The following KIT variants were observed in gnomAD, a reference collection of about 807,000 sequenced individuals.
KIT encodes mast/stem cell growth factor receptor Kit.
Under a neutral mutation model 105.7 loss-of-function variants are expected in KIT, and 16 were observed. The observed-to-expected ratio is 0.15, with a 90% CI of 0.10 to 0.23. KIT has a LOEUF of 0.23. Ranked by LOEUF, KIT falls within the 10% of genes least tolerant of loss-of-function variation. KIT has a pLI of 1.00. For synonymous variants in KIT, 438 were observed against 441.1 expected (o/e 0.99, Z 0.09); for missense variants, 858 against 1,213.8 (o/e 0.71, Z 4.36).
rs200051328 is a variant in KIT, at chr4:54,678,350, TTCCCTCCCTCCC to T, written c.68-17145_68-17134del. Among the ~76,000 whole-genome samples the T allele has an allele frequency of 3.7e-4, 22 of 58,920 alleles. 1 individual carries two copies. The highest frequency in any genetic ancestry group is 2.2e-3 in the African/African-American group (19 of 8,610). 38.7% of individuals were successfully genotyped at this position (58,920 alleles called of 152,430 possible). On this transcript the variant is annotated intron_variant, in intron 1 of 20. Transcript: ENST00000288135. ...CTTCCTTCCTTCCTTCCTTCCTTCC[TTCCCTCCCTCCC>T]TCCCTCCCTCCCTCCCCCAATCCCT... is the stretch of plus-strand genomic sequence containing the variant.
chr4:54,709,662 T>G (rs1039744990), intron 7 of KIT, 123 bp downstream of exon 7: 6 of 727,830 alleles, frequency 8.2e-6, no homozygotes, highest in African/African-American at 3.5e-5. Context: ...AATCTTGACC[T>G]TCACAGAGAC....
At chr4:54,669,454 G>C (rs1398469959) in intron 1 of KIT, among the ~76,000 whole-genome samples, 2 of 152,204 alleles carry the variant, frequency 1.3e-5, no homozygotes, top group African/African-American at 2.4e-5. Context: ...CTGGCCACTG[G>C]GAACACCAGC....
intron 6 of KIT, among the ~76,000 whole-genome samples, chr4:54,708,803 G>A (rs1350954642): frequency 6.6e-6 from 1 of 152,104 alleles, no homozygotes; most frequent in Non-Finnish European, 1.5e-5. Context: ...CATGTACATC[G>A]GAGCCCCTGC....
chr4:54,695,014 A>G (rs1052335054), intron 1 of KIT, among the ~76,000 whole-genome samples: 3 of 152,228 alleles, frequency 2.0e-5, no homozygotes, highest in Middle Eastern at 3.2e-3. Flanking sequence ...GAACATTGCC[A>G]TGTAAAGAGA....
chr4:54,695,834 T>C, intron 2 of KIT, 53 bp downstream of exon 2: 1 of 1,608,200 alleles, frequency 6.2e-7, no homozygotes, highest in Admixed American at 1.7e-5. Context: ...AATATCCTGC[T>C]CTTAATTTTG....
intron 8 of KIT, among the ~76,000 whole-genome samples, chr4:54,724,915 T>C (rs891841158): frequency 6.6e-6 from 1 of 152,170 alleles, no homozygotes; most frequent in East Asian, 1.9e-4. Context: ...AAACAATGAA[T>C]GTATGTAGGT....
chr4:54,715,902 T>C (rs3134889), intron 7 of KIT, among the ~76,000 whole-genome samples: 95,691 of 152,014 alleles, frequency 0.63, 30,365 homozygotes, highest in East Asian at 0.85. Context: ...CTGCTCAGAT[T>C]TGGTCCTTAA....
intron 3 of KIT, among the ~76,000 whole-genome samples, chr4:54,698,930 A>G (rs1347600301): frequency 6.6e-6 from 1 of 152,212 alleles, no homozygotes; most frequent in Non-Finnish European, 1.5e-5. Flanking sequence ...TCATTCTTTG[A>G]TTTACTATTG....
At chr4:54,726,079 G>A (rs765677037) in intron 9 of KIT, 29 bp downstream of exon 9, 10 of 1,555,008 alleles carry the variant, frequency 6.4e-6, no homozygotes, top group Non-Finnish European at 8.0e-6. Context: ...CAATTTAAGG[G>A]GATGTTTAGG....
intron 6 of KIT, among the ~76,000 whole-genome samples, chr4:54,708,603 G>A (rs1720937961): frequency 6.6e-6 from 1 of 152,128 alleles, no homozygotes; most frequent in Non-Finnish European, 1.5e-5. Context: ...CTCTGTAGAG[G>A]AGACATGGTA....
At position 54,691,449 on chromosome 4, in the gene KIT, CG is replaced by C. The variant is rs1018739080; in HGVS notation, c.68-4059del. Among the ~76,000 whole-genome samples the C allele has an allele frequency of 2.6e-4, 39 of 151,960 alleles. 2 individuals are homozygous for C. Among genetic ancestry groups the C allele is most frequent in the Admixed American group, 2.4e-3 (36 of 15,262 alleles). On this transcript the variant is annotated intron_variant, in intron 1 of 20. Transcript: ENST00000288135. ...ACATCCATGAAGAGGCTGTCTTCAG[CG>C]GGGCTTTACACAAGACAAGATGTGT...
At chr4:54,717,537 T>A (rs976298601) in intron 7 of KIT, among the ~76,000 whole-genome samples, 1 of 152,148 alleles carries the variant, frequency 6.6e-6, no homozygotes, top group Non-Finnish European at 1.5e-5. Flanking sequence ...TCTGCTGGAA[T>A]TGACTCTAAA....
chr4:54,711,607 T>C (rs2109722273), intron 7 of KIT, among the ~76,000 whole-genome samples: 1 of 152,316 alleles, frequency 6.6e-6, no homozygotes, highest in South Asian at 2.1e-4. Context: ...CTAGATTAAT[T>C]TCAATGTGAA....
rs573077396 is a variant in KIT at position 54,677,582 on chromosome 4, C to T, written c.68-17930C>T. Reference sequence around the variant, plus strand: ...TCGGGGCTTCCAAGAAACACTGCCTCCTTCTGTCACAGAAGTTGATGGCAG... The same window carrying T: ...TCGGGGCTTCCAAGAAACACTGCCTTCTTCTGTCACAGAAGTTGATGGCAG... On this transcript the variant is annotated intron_variant, in intron 1 of 20. Coordinates refer to ENST00000288135, the MANE Select transcript of KIT (RefSeq NM_000222.3). Among the ~76,000 whole-genome samples, 5 of 152,334 alleles carry T rather than the reference C, an allele frequency of 3.3e-5. No homozygotes were observed. In the South Asian group the frequency reaches 8.3e-4, roughly 25 times the overall value.
intron 1 of KIT, among the ~76,000 whole-genome samples, chr4:54,685,472 C>T (rs971220403): frequency 1.5e-4 from 23 of 152,332 alleles, no homozygotes; most frequent in South Asian, 8.3e-4. Flanking sequence ...AAAGCCACCC[C>T]TCCCCTTCAT....
chr4:54,682,750 G>C (rs1324941496), intron 1 of KIT, among the ~76,000 whole-genome samples: 1 of 134,098 alleles, frequency 7.5e-6, no homozygotes, highest in Admixed American at 7.6e-5. Flanking sequence ...TGTCTTGACC[G>C]TTTTTTTTTT....
chr4:54,735,395 T>C (rs1722875867), intron 17 of KIT, among the ~76,000 whole-genome samples: 1 of 150,630 alleles, frequency 6.6e-6, no homozygotes, highest in Non-Finnish European at 1.5e-5. Flanking sequence ...AAAAAAAAGC[T>C]TTCCCAGTTT....
In KIT at chr4:54,725,973, C is replaced by T. The variant is rs56225530; in HGVS notation, c.1463C>T (p.Thr488Met). 7.4e-6 allele frequency: 12 copies of T among 1,613,896 alleles called. No individual in the cohort carries two copies. The highest frequency in any genetic ancestry group is 3.3e-5 in the Admixed American group (2 of 59,988). ...TCTAGTGCATTCAAGCACAATGGCA[C>T]GGTTGAATGTAAGGCTTACAACGAT... ...IDSSAFKHNG[T>M]VECKAYNDVG... is the part of the protein sequence containing the mutation. Residue 488 changes from threonine (T) to methionine (M), a missense_variant, in exon 9 of 21, where the codon ACG (threonine) becomes ATG (methionine). Thr to Met is a moderately conservative substitution (Grantham distance 81). Coordinates refer to ENST00000288135, the MANE Select transcript of KIT (RefSeq NM_000222.3).
intron 7 of KIT, among the ~76,000 whole-genome samples, chr4:54,719,370 A>G (rs913489259): frequency 3.3e-5 from 5 of 152,134 alleles, no homozygotes; most frequent in Non-Finnish European, 7.4e-5. Context: ...TTCCACATGG[A>G]CTGGATGGTG....
Sources: allele counts gnomAD v4.1 joint callset (sites outside exome capture counted in the v4.1 genomes callset), GRCh38; gene constraint gnomAD v4.1.1; transcripts MANE v1.5; gene names NCBI Gene and HGNC (gene_info 2026-07-23, HGNC 2026-07-21).